The following SORT1 variants were observed in gnomAD, a reference collection of about 807,000 sequenced individuals.
SORT1 encodes sortilin.
SORT1 carries 39 observed loss-of-function variants against 101.7 expected under a neutral mutation model. The observed-to-expected ratio is 0.38, with a 90% CI of 0.30 to 0.50. The LOEUF (loss-of-function observed/expected upper bound fraction) is 0.50. Among genes scored for constraint, SORT1 ranks in the 20% least tolerant of loss-of-function variants. SORT1 has a pLI of 0.90. For missense variants in SORT1, 878 were observed against 1,040.4 expected, an observed-to-expected ratio of 0.84 and a Z score of 2.15; for synonymous variants, 396 against 393.7, an observed-to-expected ratio of 1.01 and a Z score of -0.07.
intron 17 of SORT1, 135 bp downstream of exon 17, chr1:109,316,715 G>T (rs1002786685): frequency 1.6e-6 from 1 of 609,836 alleles, no homozygotes; most frequent in Non-Finnish European, 2.9e-6. Context: ...ACAGCTTCCT[G>T]TATAAGGGAA....
At position 109,382,828 on chromosome 1, in the gene SORT1, C is replaced by T. The variant is rs554597755; in HGVS notation, c.307-13239G>A. ...TACTACCTTCTCTAAAATGCATCCA[C>T]CTTGAAAACGGATGATATAAGACTC... On this transcript the variant is annotated intron_variant, in intron 1 of 19. Transcript: ENST00000256637. 1.4e-3 allele frequency among the ~76,000 whole-genome samples: 211 copies of T among 152,246 alleles called. 1 individual carries two copies. The highest frequency in any genetic ancestry group is 2.5e-3 in the Non-Finnish European group (171 of 68,018).
rs549785476 is a variant in SORT1, at chr1:109,342,504, A to G, written c.964-346T>C. On this transcript the variant is annotated intron_variant, in intron 8 of 19. Coordinates refer to ENST00000256637, the MANE Select transcript of SORT1 (RefSeq NM_002959.7). The stretch of plus-strand genomic sequence containing the variant: ...AGAACATTAGGTTGGCTTTATAGCC[A>G]TTTGCATACACTCAGGTAATTCTTA... Among the ~76,000 whole-genome samples the G allele has an allele frequency of 5.9e-5, 9 of 152,368 alleles. No individual in the cohort carries two copies. In the East Asian group the frequency reaches 1.7e-3, roughly 29 times the overall value.
chr1:109,396,838 C>A (rs1042729891), intron 1 of SORT1, among the ~76,000 whole-genome samples: 2 of 152,164 alleles, frequency 1.3e-5, no homozygotes, highest in Non-Finnish European at 2.9e-5. Flanking sequence ...AAGCAAGGAA[C>A]CAGGACTTTC....
In SORT1 at chr1:109,322,391, T is replaced by G. The variant is rs575676588; in HGVS notation, c.2024+541A>C. Among the ~76,000 whole-genome samples the G allele has an allele frequency of 2.6e-5, 4 of 152,338 alleles. No individual in the cohort carries two copies. In the South Asian group the frequency reaches 8.3e-4, roughly 32 times the overall value. ...CACACCACTGTCAACTCAGGATTTC[T>G]CGGGTTTGTTGCTGGTTCTGCCCAA... On this transcript the variant is annotated intron_variant, in intron 15 of 19. Coordinates refer to ENST00000256637, the MANE Select transcript of SORT1 (RefSeq NM_002959.7).
chr1:109,391,344 T>C (rs966302324), intron 1 of SORT1, among the ~76,000 whole-genome samples: 7 of 152,174 alleles, frequency 4.6e-5, no homozygotes, highest in Admixed American at 6.5e-5. Context: ...CAGCCACAGT[T>C]TGCTTCTAAA....
At chr1:109,319,892 A>G (rs1647507567) in intron 15 of SORT1, among the ~76,000 whole-genome samples, 1 of 151,928 alleles carries the variant, frequency 6.6e-6, no homozygotes, top group African/African-American at 2.4e-5. Context: ...AAAAGAAAAG[A>G]AAATGAGTGT....
rs35117356 is a variant in SORT1 at position 109,376,330 on chromosome 1, CAA to C, written c.307-6743_307-6742del. Reference sequence around the variant, plus strand: ...TGGGCAACAGAGGGAGACTCCATCTCAAAAAAAAAAAAAAAAAAAGGAACTTA... The same window carrying C: ...TGGGCAACAGAGGGAGACTCCATCTCAAAAAAAAAAAAAAAAAGGAACTTA... On this transcript the variant is annotated intron_variant, in intron 1 of 19. Transcript: ENST00000256637. Among the ~76,000 whole-genome samples, 58 of 93,712 alleles carry C rather than the reference CAA, an allele frequency of 6.2e-4. 1 individual carries two copies. Among genetic ancestry groups the C allele is most frequent in the East Asian group, 1.6e-3 (5 of 3,052 alleles). The allele number at this position is 93,712 out of a possible 152,430, so 61.5% of individuals were successfully genotyped here. A position where few individuals can be genotyped will look rare whatever the true frequency, so the allele number is the denominator to read the frequency against.
chr1:109,371,978 G>A (rs569805484), intron 1 of SORT1, among the ~76,000 whole-genome samples: 15 of 152,258 alleles, frequency 9.9e-5, no homozygotes, highest in Admixed American at 9.2e-4. Context: ...AAAATGAAAT[G>A]AGATGTTACA....
chr1:109,332,276 A>C (rs1047128139), intron 11 of SORT1, among the ~76,000 whole-genome samples: 7 of 152,214 alleles, frequency 4.6e-5, no homozygotes, highest in Admixed American at 2.0e-4. Context: ...GCACTGTTTT[A>C]GGTACTTAAG....
At chr1:109,357,033 T>A (rs535684492) in intron 3 of SORT1, among the ~76,000 whole-genome samples, 1 of 152,362 alleles carries the variant, frequency 6.6e-6, no homozygotes, top group South Asian at 2.1e-4. Flanking sequence ...TGGTTACCAA[T>A]GGACTGTTTA....
chr1:109,314,299 G>T lies in SORT1; in HGVS notation c.2443C>A (p.His815Asn). The T allele has an allele frequency of 6.2e-7, 1 of 1,613,788 alleles. No individual in the cohort carries two copies. Among genetic ancestry groups the T allele is most frequent in the Non-Finnish European group, 8.5e-7 (1 of 1,179,910 alleles). Residue 815 changes from histidine (H) to asparagine (N), a missense_variant, in exon 19 of 20, where the codon CAC becomes AAC. By Grantham distance (68) the His-to-Asn change is moderately conservative. Around this residue, in one of 2 missense-constraint regions of SORT1, gnomAD observed 684 missense variants for 894.5 expected, o/e 0.76. Coordinates refer to ENST00000256637, the MANE Select transcript of SORT1 (RefSeq NM_002959.7). The part of the protein sequence containing the change: ...DGVDALDTAS[H>N]TNKSGYHDDS... ...TCATGATAACCACTTTTATTAGTGT[G>T]GGAGGCTGTGTCCAAAGCATCCACA...
intron 3 of SORT1, among the ~76,000 whole-genome samples, 172 bp from the exon 4 acceptor site, chr1:109,355,641 A>ACCCCCCCCCCCC (rs529686433): frequency 2.4e-5 from 2 of 84,096 alleles, no homozygotes; most frequent in Admixed American, 1.4e-4. Flanking sequence ...AGAACATTCC[A>ACCCCCCCCCCCC]CCCGCCCCCC....
intron 17 of SORT1, among the ~76,000 whole-genome samples, chr1:109,315,996 C>CTA (rs1300817997): frequency 1.3e-5 from 2 of 151,952 alleles, no homozygotes; most frequent in African/African-American, 4.8e-5. Flanking sequence ...ATAGCCTCAA[C>CTA]TGATCTCCCC....
At chr1:109,324,620 T>C (rs560517508) in intron 14 of SORT1, among the ~76,000 whole-genome samples, 1 of 152,364 alleles carries the variant, frequency 6.6e-6, no homozygotes, top group East Asian at 1.9e-4. Context: ...GTTTATTTTA[T>C]TAATATCACC....
rs546247342 is a variant in SORT1, at chr1:109,317,902, C to A, written c.2092G>T (p.Asp698Tyr). The A allele has an allele frequency of 6.2e-7, 1 of 1,614,144 alleles. No homozygotes were observed. Among genetic ancestry groups the A allele is most frequent in the South Asian group, 1.1e-5 (1 of 91,082 alleles). ...CTTCCGTACAGACAAAACTCCAGGT[C>A]GTGGCCCTTCAGTTCTGGCTGTTCC... ...CVEQPELKGH[D>Y]LEFCLYGREE... Residue 698 changes from aspartate (D) to tyrosine (Y), a missense_variant, in exon 16 of 20, where the codon GAC becomes TAC. By Grantham distance (160) the Asp-to-Tyr change is radical (BLOSUM62 -3). Coordinates refer to ENST00000256637, the MANE Select transcript of SORT1 (RefSeq NM_002959.7).
chr1:109,353,199 A>G (rs1395137263), intron 5 of SORT1, among the ~76,000 whole-genome samples: 1 of 151,914 alleles, frequency 6.6e-6, no homozygotes, highest in Non-Finnish European at 1.5e-5. Context: ...CTGGGTGCAC[A>G]TGCCTGTAAT....
intron 1 of SORT1, among the ~76,000 whole-genome samples, chr1:109,394,545 C>G (rs990164454): frequency 6.6e-6 from 1 of 152,178 alleles, no homozygotes; most frequent in Non-Finnish European, 1.5e-5. Context: ...GTAATATAAA[C>G]GCACTATTAT....
chr1:109,329,513 A>G (rs888795878), intron 11 of SORT1, among the ~76,000 whole-genome samples: 1 of 152,238 alleles, frequency 6.6e-6, no homozygotes, highest in Admixed American at 6.5e-5. Context: ...TTGGTCTCCC[A>G]AAGAGCTGGG....
intron 3 of SORT1, among the ~76,000 whole-genome samples, chr1:109,361,875 G>A (rs1650743136): frequency 6.6e-6 from 1 of 152,158 alleles, no homozygotes; most frequent in Admixed American, 6.5e-5. Flanking sequence ...GGTCAAACAA[G>A]GTGATGCTTT....
Sources: allele counts gnomAD v4.1 joint callset (sites outside exome capture counted in the v4.1 genomes callset), GRCh38; gene constraint gnomAD v4.1.1; regional missense constraint gnomAD v4.1.1; transcripts MANE v1.5; gene names NCBI Gene and HGNC (gene_info 2026-07-23, HGNC 2026-07-21).